Variants in RBFOX3 observed in about 807,000 individuals in gnomAD.
RBFOX3 encodes RNA binding fox-1 homolog 3, also known as RNA binding protein fox-1 homolog 3.
A neutral mutation model predicts 48.7 loss-of-function variants in RBFOX3; 17 were observed. That is an observed-to-expected ratio of 0.35 (90% CI 0.24 to 0.52). The LOEUF (loss-of-function observed/expected upper bound fraction) is 0.52, where lower values mean the gene tolerates loss of function less well. Among genes scored for constraint, RBFOX3 ranks in the 20% least tolerant of loss-of-function variants. The pLI, the probability that RBFOX3 is intolerant of heterozygous loss-of-function variation, is 0.94. For synonymous variants in RBFOX3, 212 were observed against 209.5 expected (o/e 1.01, Z -0.10); for missense variants, 382 against 497.5 (o/e 0.77, Z 2.21).
At chr17:79,476,994 A>T (rs2149433705) in intron 2 of RBFOX3, among the ~76,000 whole-genome samples, 1 of 152,248 alleles carries the variant, frequency 6.6e-6, no homozygotes, top group East Asian at 1.9e-4. Context: ...GCACTTTGGG[A>T]GGCCTAGGTG....
chr17:79,425,039 C>T (rs886913855), intron 2 of RBFOX3, among the ~76,000 whole-genome samples: 17 of 152,202 alleles, frequency 1.1e-4, no homozygotes, highest in Non-Finnish European at 1.6e-4. Flanking sequence ...AACCCCTCCA[C>T]AAGCCTCCTG....
the RBFOX3 span, among the ~76,000 whole-genome samples, chr17:79,628,035 C>T: frequency 1.2e-4 from 18 of 151,948 alleles, no homozygotes; most frequent in African/African-American, 3.1e-4. Context: ...GCCTGCTCCC[C>T]GCCCAAGGGT....
chr17:79,200,586 G>A (rs1220652573), intron 4 of RBFOX3, among the ~76,000 whole-genome samples: 1 of 152,202 alleles, frequency 6.6e-6, no homozygotes, highest in Non-Finnish European at 1.5e-5. Flanking sequence ...AGCGCCAGAG[G>A]AGAGCTGTTC....
At chr17:79,101,729 G>C (rs2612798) in intron 8 of RBFOX3, 85 bp from the exon 9 acceptor site, 351,723 of 1,243,406 alleles carry the variant, frequency 0.28, 55,922 homozygotes, top group African/African-American at 0.67. Context: ...GCCCTGCTCC[G>C]TTAGCCCCCG....
chr17:79,504,290 C>T (rs1406151564), intron 1 of RBFOX3, among the ~76,000 whole-genome samples: 1 of 152,236 alleles, frequency 6.6e-6, no homozygotes, highest in Non-Finnish European at 1.5e-5. Context: ...TCTCCCTCGC[C>T]GAGTCAGAGA....
intron 3 of RBFOX3, among the ~76,000 whole-genome samples, chr17:79,280,847 G>GA (rs199840719): frequency 2.0e-5 from 3 of 147,394 alleles, no homozygotes; most frequent in Non-Finnish European, 4.5e-5. Flanking sequence ...ATTGTGGGGG[G>GA]GGGGAGGGGA....
intron 3 of RBFOX3, among the ~76,000 whole-genome samples, chr17:79,290,725 G>A (rs902510864): frequency 2.0e-5 from 3 of 152,138 alleles, no homozygotes; most frequent in Admixed American, 6.5e-5. Flanking sequence ...CAAGGCAGAC[G>A]GACAGGCATA....
chr17:79,579,178 T>A (rs2092961757), intron 1 of RBFOX3, among the ~76,000 whole-genome samples: 3 of 152,208 alleles, frequency 2.0e-5, no homozygotes, highest in Admixed American at 2.0e-4. Context: ...CCTCGTCTGG[T>A]CCTGCCCTGT....
Position 79,361,609 on chromosome 17 carries a change from C to T in RBFOX3, c.-174-53785G>A, listed in dbSNP as rs939000726. Among the ~76,000 whole-genome samples, 5 of 152,190 alleles carry T rather than the reference C, an allele frequency of 3.3e-5. No homozygotes were observed. The highest frequency in any genetic ancestry group is 5.9e-5 in the Non-Finnish European group (4 of 68,036). On this transcript the variant is annotated intron_variant, in intron 2 of 14. Coordinates refer to ENST00000693108, the MANE Select transcript of RBFOX3 (RefSeq NM_001350451.2). This position sits in a 1 kb window ranked among gnomAD's most constrained non-coding sequence, Gnocchi z 4.5. ...GGGCTTCCCTAAGGGACATGCCAGC[C>T]CACGTCCATCTCTCCTCCTCCTCCC...
chr17:79,601,871 T>C (rs1404429783), intron 1 of RBFOX3: 1 of 152,162 alleles, frequency 6.6e-6, no homozygotes, highest in Non-Finnish European at 1.5e-5. Flanking sequence ...CATGCGACAC[T>C]CATCTTGCAT....
intron 2 of RBFOX3, among the ~76,000 whole-genome samples, chr17:79,369,106 G>A (rs544604608): frequency 6.6e-6 from 1 of 151,934 alleles, no homozygotes; most frequent in African/African-American, 2.4e-5. Flanking sequence ...GCTCTGAGCT[G>A]TCTCACTGCG....
At chr17:79,359,401 A>C (rs2085860656) in intron 2 of RBFOX3, among the ~76,000 whole-genome samples, 1 of 152,264 alleles carries the variant, frequency 6.6e-6, no homozygotes, top group Admixed American at 6.5e-5. Context: ...ATTCAGATTT[A>C]ACTGAGCAGC....
At chr17:79,553,284 T>C (rs1474366831) in intron 1 of RBFOX3, among the ~76,000 whole-genome samples, 1 of 152,226 alleles carries the variant, frequency 6.6e-6, no homozygotes, top group African/African-American at 2.4e-5. Flanking sequence ...ACAGATTTCT[T>C]CCTATTAAAC....
At chr17:79,184,044 C>T (rs1193323943) in intron 4 of RBFOX3, among the ~76,000 whole-genome samples, 10 of 152,258 alleles carry the variant, frequency 6.6e-5, no homozygotes, top group African/African-American at 2.2e-4. Context: ...GAAGGCGCCT[C>T]GTCCTGTTTC....
At chr17:79,576,338 A>AGAGATGATGGAGATGATGGAGAAGCTG in intron 1 of RBFOX3, among the ~76,000 whole-genome samples, 1 of 152,218 alleles carries the variant, frequency 6.6e-6, no homozygotes, top group South Asian at 2.1e-4. Context: ...TGGAGATCAC[A>AGAGATGATGGAGATGATGGAGAAGCTG]GAGATGATGG....
At chr17:79,405,359 C>A (rs376065580) in intron 2 of RBFOX3, among the ~76,000 whole-genome samples, 62 of 152,196 alleles carry the variant, frequency 4.1e-4, no homozygotes, top group African/African-American at 1.4e-3. Flanking sequence ...GCACTTCCCC[C>A]GATACTTCAG....
At chr17:79,555,408 A>G (rs1359560403) in intron 1 of RBFOX3, among the ~76,000 whole-genome samples, 1 of 60,324 alleles carries the variant, frequency 1.7e-5, no homozygotes, top group Non-Finnish European at 2.9e-5. Context: ...TGATGATGGT[A>G]GTTGTGGTGG....
chr17:79,370,475 C>CA (rs748886759), intron 2 of RBFOX3, among the ~76,000 whole-genome samples: 3 of 152,172 alleles, frequency 2.0e-5, no homozygotes, highest in Non-Finnish European at 4.4e-5. Flanking sequence ...AACATACACT[C>CA]ACACACGTGC....
rs76057126 is a variant in RBFOX3 at position 79,252,852 on chromosome 17, G to A, written c.-73-17047C>T. Among the ~76,000 whole-genome samples the A allele has an allele frequency of 6.6e-6, 1 of 152,082 alleles. No individual in the cohort carries two copies. Among genetic ancestry groups the A allele is most frequent in the Admixed American group, 6.6e-5 (1 of 15,266 alleles). ...GGCTTTCTGCCTCTCCAATGAGACAGGAGGGCAGGGAGCTGAAAAATCTCA... is the reference window on the plus strand; with the variant it reads ...GGCTTTCTGCCTCTCCAATGAGACAAGAGGGCAGGGAGCTGAAAAATCTCA... On this transcript the variant is annotated intron_variant, in intron 3 of 14. Transcript: ENST00000693108. The surrounding 1 kb of genome is among the most constrained non-coding windows in gnomAD (Gnocchi z 4.0).
Sources: gnomAD v4.1 joint callset for allele counts (sites outside exome capture counted in the v4.1 genomes callset) on GRCh38, gnomAD v4.1.1 for gene constraint, Gnocchi (gnomAD v3.1) non-coding constraint, MANE v1.5 for transcripts, NCBI Gene and HGNC (gene_info 2026-07-23, HGNC 2026-07-21) for gene names.